The following ATP7B variants were observed in gnomAD, a reference collection of about 807,000 sequenced individuals.
ATP7B encodes the protein ATPase copper transporting beta, also known as copper-transporting ATPase 2.
Under a neutral mutation model 118.9 loss-of-function variants are expected in ATP7B, and 113 were observed. That is an observed-to-expected ratio of 0.95 (90% CI 0.82 to 1.11). The LOEUF (loss-of-function observed/expected upper bound fraction) is 1.11, where lower values mean the gene tolerates loss of function less well. Ranked by LOEUF, ATP7B falls within the 50% of genes most tolerant of loss-of-function variation. ATP7B has a pLI of 0.00. For synonymous variants in ATP7B, 777 were observed against 727.4 expected, an observed-to-expected ratio of 1.07 and a Z score of -1.10; for missense variants, 1,867 against 1,871.4, an observed-to-expected ratio of 1.00 and a Z score of 0.04.
intron 1 of ATP7B, among the ~76,000 whole-genome samples, chr13:51,979,800 T>C (rs1695244703): frequency 6.6e-6 from 1 of 152,188 alleles, no homozygotes; most frequent in Admixed American, 6.5e-5. Flanking sequence ...CCTTAATTTC[T>C]AGAATGTTGA....
At chr13:51,954,775 C>A (rs1255339339) in intron 9 of ATP7B, among the ~76,000 whole-genome samples, 3 of 152,122 alleles carry the variant, frequency 2.0e-5, no homozygotes, top group African/African-American at 7.2e-5. Context: ...TGAGCCTTTA[C>A]CAGTCAACCA....
At chr13:51,976,478 T>A (rs1952124910) in intron 1 of ATP7B, among the ~76,000 whole-genome samples, 1 of 152,224 alleles carries the variant, frequency 6.6e-6, no homozygotes, top group African/African-American at 2.4e-5. Flanking sequence ...AAGGGAATAA[T>A]TAAGTAATTT....
chr13:51,968,806 A>AGACCAACC (rs1418304019), intron 3 of ATP7B, among the ~76,000 whole-genome samples, 199 bp from the exon 4 acceptor site: 3 of 152,052 alleles, frequency 2.0e-5, no homozygotes, highest in Non-Finnish European at 4.4e-5. Context: ...TCTCTTACCC[A>AGACCAACC]GACCAACCAA....
At chr13:51,940,808 T>A (rs1177538365) in intron 16 of ATP7B, among the ~76,000 whole-genome samples, 1 of 152,112 alleles carries the variant, frequency 6.6e-6, no homozygotes, top group African/African-American at 2.4e-5. Context: ...ACTGCCCACC[T>A]GGACAAGAGC....
rs1030521221 is a variant in ATP7B, at chr13:51,960,650, C to T, written c.1947-328G>A. The stretch of plus-strand genomic sequence containing the variant: ...TCTAGCCCCAAAGGTGCCTACCATC[C>T]TCGGCCTATGGTTGCCTATAGCTTT... On this transcript the variant is annotated intron_variant, in intron 6 of 20. Coordinates refer to ENST00000242839, the MANE Select transcript of ATP7B (RefSeq NM_000053.4). Among the ~76,000 whole-genome samples, 10 of 152,334 alleles carry T rather than the reference C, an allele frequency of 6.6e-5. 1 individual carries two copies. In the South Asian group the frequency reaches 2.1e-3, roughly 32 times the overall value.
At chr13:51,972,430 C>T (rs1951887270) in intron 2 of ATP7B, among the ~76,000 whole-genome samples, 1 of 152,038 alleles carries the variant, frequency 6.6e-6, no homozygotes, top group African/African-American at 2.4e-5. Flanking sequence ...TCCGGCCCCA[C>T]ACTCTCCCTC....
chr13:51,975,819 C>T (rs899499703), intron 1 of ATP7B, among the ~76,000 whole-genome samples: 2 of 152,108 alleles, frequency 1.3e-5, no homozygotes, highest in African/African-American at 2.4e-5. Context: ...GCTCCCTGGG[C>T]GAGGTTTAAT....
rs778775834 is a variant in ATP7B at position 51,974,062 on chromosome 13, C to A, written c.1158G>T (p.Gly386=). 3.7e-5 allele frequency: 59 copies of A among 1,614,090 alleles called. No individual in the cohort carries two copies. Among genetic ancestry groups the A allele is most frequent in the Non-Finnish European group, 4.3e-5 (51 of 1,180,048 alleles). The change falls in exon 2 of 21, where the codon GGG becomes GGT. Residue 386 remains glycine, a synonymous_variant. Transcript: ENST00000242839. ...SIEGMISQLE[G]VQQISVSLAE... is the part of the protein sequence containing the mutation. Reference sequence around the variant, plus strand: ...CCAAAGACACCGATATTTGCTGCACCCCTTCCAGTTGGGAGATCATGCCTT... The same window carrying A: ...CCAAAGACACCGATATTTGCTGCACACCTTCCAGTTGGGAGATCATGCCTT...
At chr13:51,937,159 C>CT in intron 19 of ATP7B, 117 bp downstream of exon 19, 1 of 911,470 alleles carries the variant, frequency 1.1e-6, no homozygotes, top group Non-Finnish European at 1.7e-6. Flanking sequence ...AAAAAACAGC[C>CT]TTTCTAAAAC....
intron 1 of ATP7B, among the ~76,000 whole-genome samples, chr13:52,008,275 G>C (rs896478616): frequency 4.6e-5 from 7 of 152,332 alleles, no homozygotes; most frequent in African/African-American, 1.7e-4. Flanking sequence ...GGGAGGCACA[G>C]GTTGCAGTGA....
intron 17 of ATP7B, among the ~76,000 whole-genome samples, chr13:51,938,342 A>G (rs1178298863): frequency 6.6e-6 from 1 of 152,192 alleles, no homozygotes; most frequent in East Asian, 1.9e-4. Flanking sequence ...CTCCTCACAG[A>G]GCCTGGCCCC....
rs1593644990 is a variant in ATP7B, at chr13:51,937,403, A to G, written c.3904-10T>C. The G allele has an allele frequency of 6.2e-7, 1 of 1,614,156 alleles. No homozygotes were observed. Among genetic ancestry groups the G allele is most frequent in the East Asian group, 2.2e-5 (1 of 44,882 alleles). On this transcript the variant is annotated splice_polypyrimidine_tract_variant and intron_variant, in intron 18 of 20. Transcript: ENST00000242839. The stretch of plus-strand genomic sequence containing the variant: ...CATCCAGCAAATCATTCTGATGGAG[A>G]GGAGCACACAGTGAGGAAGGGGTCT...
At chr13:51,939,939 ACT>A (rs1003683871) in intron 16 of ATP7B, among the ~76,000 whole-genome samples, 2 of 150,928 alleles carry the variant, frequency 1.3e-5, no homozygotes, top group East Asian at 1.9e-4. Context: ...CAAAGTAAAG[ACT>A]CTAATCTCTC....
intron 1 of ATP7B, among the ~76,000 whole-genome samples, chr13:51,997,531 C>A (rs902875773): frequency 1.3e-5 from 2 of 152,026 alleles, no homozygotes; most frequent in African/African-American, 4.8e-5. Context: ...TGGCTCAGAC[C>A]CAGAAGACAG....
chr13:51,941,459 A>T (rs1268687423), intron 15 of ATP7B, among the ~76,000 whole-genome samples: 1 of 152,094 alleles, frequency 6.6e-6, no homozygotes, highest in Non-Finnish European at 1.5e-5. Context: ...ACATGGGTGG[A>T]AATGGTATAA....
intron 9 of ATP7B, among the ~76,000 whole-genome samples, chr13:51,954,919 G>A (rs376820868): frequency 1.3e-5 from 2 of 152,142 alleles, no homozygotes; most frequent in Non-Finnish European, 2.9e-5. Context: ...CAAAGACAGA[G>A]GCAGTACCAC....
At chr13:51,945,803 G>C (rs749730789) in intron 13 of ATP7B, among the ~76,000 whole-genome samples, 1 of 152,186 alleles carries the variant, frequency 6.6e-6, no homozygotes, top group Non-Finnish European at 1.5e-5. Flanking sequence ...AAGTGTGGAA[G>C]GCCAGAGGTT....
intron 7 of ATP7B, 120 bp downstream of exon 7, chr13:51,960,020 GGCAGGAAA>G (rs1248684988): frequency 1.5e-6 from 2 of 1,311,272 alleles, no homozygotes; most frequent in Non-Finnish European, 2.2e-6. Context: ...GCCTGGGTGG[GGCAGGAAA>G]GCTGCAATAA....
chr13:51,979,461 A>G (rs573782014), intron 1 of ATP7B, among the ~76,000 whole-genome samples: 32 of 152,342 alleles, frequency 2.1e-4, no homozygotes, highest in Admixed American at 1.9e-3. Context: ...TACAATACAC[A>G]CATTACCAAA....
Sources: gnomAD v4.1 joint callset for allele counts (sites outside exome capture counted in the v4.1 genomes callset) on GRCh38, gnomAD v4.1.1 for gene constraint, MANE v1.5 for transcripts, NCBI Gene and HGNC (gene_info 2026-07-23, HGNC 2026-07-21) for gene names.